Variants in MDFIC2 observed in about 807,000 individuals in gnomAD.
The protein encoded by MDFIC2 is MyoD family inhibitor domain containing 2.
At chr3:70,198,973 G>A (rs1309941952) in intron 3 of MDFIC2, among the ~76,000 whole-genome samples, 6 of 152,114 alleles carry the variant, frequency 3.9e-5, no homozygotes, top group African/African-American at 1.2e-4. Context: ...CAACCTCATC[G>A]AGTTTTACCA....
At chr3:70,208,334 G>A (rs1701310980) in intron 2 of MDFIC2, among the ~76,000 whole-genome samples, 1 of 152,056 alleles carries the variant, frequency 6.6e-6, no homozygotes. Context: ...CCATGCTTAT[G>A]CAGCTCAGTG....
intron 2 of MDFIC2, among the ~76,000 whole-genome samples, chr3:70,303,970 A>G (rs1702376325): frequency 6.6e-6 from 1 of 152,222 alleles, no homozygotes; most frequent in Admixed American, 6.5e-5. Flanking sequence ...GGCATGAGCC[A>G]TCATGCCCAG....
chr3:70,255,627 AT>A (rs1472913553), intron 2 of MDFIC2, among the ~76,000 whole-genome samples: 1 of 150,568 alleles, frequency 6.6e-6, no homozygotes, highest in Admixed American at 6.6e-5. Context: ...AAGCCTGGCT[AT>A]TTTTTTTTCC....
intron 2 of MDFIC2, among the ~76,000 whole-genome samples, chr3:70,296,994 C>G (rs1308822747): frequency 6.6e-6 from 1 of 151,920 alleles, no homozygotes. Flanking sequence ...TGCTCCCCAA[C>G]CGCCTCCCCC....
At chr3:70,283,958 C>A (rs1327663073) in intron 2 of MDFIC2, 1 of 151,798 alleles carries the variant, frequency 6.6e-6, no homozygotes, top group African/African-American at 2.4e-5. Context: ...ACTTCTGATC[C>A]CTGATCTCTA....
In MDFIC2 at chr3:70,212,883, T is replaced by G. The variant is rs570038534; in HGVS notation, c.89-6093A>C. ...ATCACAGTTCACTGCAGCTTCAACC[T>G]CCCAGACTCAGGTGATCCTCCCATC... On this transcript the variant is annotated intron_variant, in intron 2 of 3. Transcript: ENST00000567252. Among the ~76,000 whole-genome samples, 8 of 152,134 alleles carry G rather than the reference T, an allele frequency of 5.3e-5. No homozygotes were observed. In the East Asian group the frequency reaches 1.6e-3, roughly 30 times the overall value.
At chr3:70,215,983 T>G (rs775097040) in intron 2 of MDFIC2, among the ~76,000 whole-genome samples, 1 of 152,066 alleles carries the variant, frequency 6.6e-6, no homozygotes, top group Admixed American at 6.6e-5. Context: ...TATTTTGATT[T>G]GAATGCAACA....
intron 2 of MDFIC2, among the ~76,000 whole-genome samples, chr3:70,240,860 C>T (rs1399169835): frequency 1.3e-5 from 2 of 151,604 alleles, no homozygotes; most frequent in Non-Finnish European, 2.9e-5. Flanking sequence ...TAATATAGGC[C>T]CATAAGATGA....
intron 2 of MDFIC2, among the ~76,000 whole-genome samples, chr3:70,275,938 A>G (rs1702021044): frequency 6.6e-6 from 1 of 152,194 alleles, no homozygotes; most frequent in Non-Finnish European, 1.5e-5. Context: ...GTAACTAATC[A>G]GCTTTGATTA....
chr3:70,213,439 G>T (rs570202821), intron 2 of MDFIC2, among the ~76,000 whole-genome samples: 6 of 152,074 alleles, frequency 3.9e-5, no homozygotes, highest in African/African-American at 1.2e-4. Flanking sequence ...CAAACGTATA[G>T]ACCATTTTTT....
chr3:70,217,313 T>G (rs1374604768), intron 2 of MDFIC2, among the ~76,000 whole-genome samples: 1 of 152,158 alleles, frequency 6.6e-6, no homozygotes, highest in Non-Finnish European at 1.5e-5. Flanking sequence ...TGAATACTCT[T>G]GAAATAAGCA....
At chr3:70,303,767 C>T (rs906045312) in intron 2 of MDFIC2, among the ~76,000 whole-genome samples, 14 of 152,206 alleles carry the variant, frequency 9.2e-5, no homozygotes, top group African/African-American at 2.2e-4. Context: ...CTGCAACCTC[C>T]GCCTCCTGGG....
chr3:70,280,268 C>G (rs1007954498), intron 2 of MDFIC2, among the ~76,000 whole-genome samples: 2 of 152,118 alleles, frequency 1.3e-5, no homozygotes, highest in African/African-American at 2.4e-5. Flanking sequence ...AATTTAGGTG[C>G]CACTCATGTG....
At chr3:70,210,543 G>T (rs1192642860) in intron 2 of MDFIC2, among the ~76,000 whole-genome samples, 3 of 151,942 alleles carry the variant, frequency 2.0e-5, no homozygotes, top group Non-Finnish European at 4.4e-5. Flanking sequence ...TTCCTTTATT[G>T]TATTATTCGA....
intron 2 of MDFIC2, among the ~76,000 whole-genome samples, chr3:70,277,367 C>T (rs1016112563): frequency 6.6e-6 from 1 of 151,992 alleles, no homozygotes; most frequent in Non-Finnish European, 1.5e-5. Context: ...ACTTTTTTCC[C>T]CCAGCACTGG....
intron 2 of MDFIC2, among the ~76,000 whole-genome samples, chr3:70,273,141 C>G (rs1172764011): frequency 2.6e-5 from 4 of 152,162 alleles, no homozygotes; most frequent in African/African-American, 4.8e-5. Flanking sequence ...CCTAAAAGGA[C>G]TGACAAATCT....
At chr3:70,200,327 C>A (rs1701225560) in intron 3 of MDFIC2, among the ~76,000 whole-genome samples, 1 of 152,166 alleles carries the variant, frequency 6.6e-6, no homozygotes, top group Admixed American at 6.5e-5. Context: ...CAAATCCTTG[C>A]CTTAGCCTAC....
rs1270916200 is a variant in MDFIC2, at chr3:70,250,409, TCTCACACACA to T, written c.89-43629_89-43620del. On this transcript the variant is annotated intron_variant, in intron 2 of 3. Transcript: ENST00000567252. The stretch of plus-strand genomic sequence containing the variant: ...TATTCGGTATTTTTCTTTTAATGAA[TCTCACACACA>T]CACACACACACACACACACACACAC... Among the ~76,000 whole-genome samples the T allele has an allele frequency of 1.5e-3, 191 of 126,326 alleles. 1 individual carries two copies. The highest frequency in any genetic ancestry group is 5.9e-3 in the East Asian group (26 of 4,434). The allele number at this position is 126,326 out of a possible 152,430, so 82.9% of individuals were successfully genotyped here.
At chr3:70,251,774 CCT>C (rs1394187914) in intron 2 of MDFIC2, among the ~76,000 whole-genome samples, 1 of 152,192 alleles carries the variant, frequency 6.6e-6, no homozygotes, top group African/African-American at 2.4e-5. Flanking sequence ...GTAGAACGGA[CCT>C]AGGCACACCT....
Sources: gnomAD v4.1 joint callset for allele counts (sites outside exome capture counted in the v4.1 genomes callset) on GRCh38, gnomAD v4.1.1 for gene constraint, MANE v1.5 for transcripts, NCBI Gene and HGNC (gene_info 2026-07-23, HGNC 2026-07-21) for gene names.